GGNBP2: variants seen among roughly 807,000 people sequenced by gnomAD.
The protein encoded by GGNBP2 is gametogenetin binding protein 2.
Under a neutral mutation model 85.9 loss-of-function variants are expected in GGNBP2, and 10 were observed. The observed-to-expected ratio is 0.12, with a 90% confidence interval of 0.07 to 0.20. The LOEUF (loss-of-function observed/expected upper bound fraction) is 0.20. Among genes scored for constraint, GGNBP2 ranks in the 10% least tolerant of loss-of-function variants. GGNBP2 has a pLI of 1.00. For missense variants in GGNBP2, 595 were observed against 857.8 expected (o/e 0.69, Z 3.83); for synonymous variants, 287 against 285.7 (o/e 1.00, Z -0.05).
chr17:36,589,255 T>G lies in GGNBP2; in HGVS notation c.1938T>G (p.Asp646Glu). Reference protein sequence around the residue: ...TSDEEIFISQDEIQSFMANNQ... With the variant: ...TSDEEIFISQEEIQSFMANNQ... ...ATGAGGAAATCTTTATCTCACAAGA[T>G]GAAATACAGTCATTTATGGCTAATA... The change falls in exon 14 of 14, where the codon GAT (aspartate) becomes GAG (glutamate). Residue 646 changes from aspartate (D) to glutamate (E), a missense_variant. By Grantham distance (45) the Asp-to-Glu change is conservative (BLOSUM62 2). Transcript: ENST00000613102. 1 of 1,613,394 alleles carries G rather than the reference T, an allele frequency of 6.2e-7. No individual in the cohort carries two copies. Among genetic ancestry groups the G allele is most frequent in the South Asian group, 1.1e-5 (1 of 91,062 alleles).
At chr17:36,546,010 C>T (rs2074250638) in intron 2 of GGNBP2, 193 bp downstream of exon 2, 1 of 547,866 alleles carries the variant, frequency 1.8e-6, no homozygotes, top group Non-Finnish European at 3.3e-6. Flanking sequence ...GCCCCAAGCC[C>T]AGAGCTCCGT....
At chr17:36,586,415 C>T (rs2074702459) in intron 12 of GGNBP2, 2 of 556,506 alleles carry the variant, frequency 3.6e-6, no homozygotes, top group South Asian at 2.4e-5. Flanking sequence ...GTCAGAAATT[C>T]AATTGTTCTT....
Position 36,581,436 on chromosome 17 carries a change from A to G in GGNBP2, c.1113A>G (p.Glu371=), listed in dbSNP as rs1351765873. 1 of 1,614,072 alleles carries G rather than the reference A, an allele frequency of 6.2e-7. No homozygotes were observed. Among genetic ancestry groups the G allele is most frequent in the South Asian group, 1.1e-5 (1 of 91,088 alleles). ...EEERVRELKQ[E]KKRQKRKNRR... ...AACGAGTAAGAGAACTCAAGCAAGA[A>G]AAGAAACGCCAAAAACGGAAGAATA... Residue 371 remains glutamate (E), a synonymous_variant, in exon 9 of 14, where the codon GAA becomes GAG. Transcript: ENST00000613102.
chr17:36,558,724 C>T (rs942814706), intron 4 of GGNBP2, among the ~76,000 whole-genome samples: 4 of 151,132 alleles, frequency 2.6e-5, no homozygotes, highest in African/African-American at 9.7e-5. Flanking sequence ...CCAAAGTGCT[C>T]GGATTACAGG....
chr17:36,548,501 G>T (rs1311058978), intron 2 of GGNBP2, among the ~76,000 whole-genome samples: 1 of 151,376 alleles, frequency 6.6e-6, no homozygotes, highest in Non-Finnish European at 1.5e-5. Context: ...TGTAATCCCA[G>T]CTACTCAGGA....
At chr17:36,550,083 G>A (rs1329676459) in intron 2 of GGNBP2, among the ~76,000 whole-genome samples, 2 of 151,920 alleles carry the variant, frequency 1.3e-5, no homozygotes, top group South Asian at 2.1e-4. Context: ...GATTACAGGC[G>A]CCCGCCACCA....
chr17:36,559,430 A>G (rs2074396182), intron 4 of GGNBP2, among the ~76,000 whole-genome samples: 1 of 152,120 alleles, frequency 6.6e-6, no homozygotes, highest in Non-Finnish European at 1.5e-5. Flanking sequence ...ACATCCAAAT[A>G]GAATTCAGAG....
At position 36,589,303 on chromosome 17, in the gene GGNBP2, A is replaced by G; in HGVS notation, c.1986A>G (p.Arg662=). The change falls in exon 14 of 14, where the codon AGA becomes AGG. Residue 662 remains arginine, a synonymous_variant. Transcript: ENST00000613102. ...ATAACCAGTCTTTCTACAGCAATAG[A>G]GAACAATACCGACAGCATCTGAAGG... ...MANNQSFYSN[R]EQYRQHLKEK... is the part of the protein sequence containing the mutation. The G allele has an allele frequency of 6.2e-7, 1 of 1,613,162 alleles. No homozygotes were observed. The highest frequency in any genetic ancestry group is 8.5e-7 in the Non-Finnish European group (1 of 1,179,102).
At chr17:36,552,992 A>G (rs1041868185) in intron 2 of GGNBP2, among the ~76,000 whole-genome samples, 3 of 142,972 alleles carry the variant, frequency 2.1e-5, no homozygotes, top group African/African-American at 7.6e-5. Context: ...ACTGCACTCC[A>G]GCCTGGGTGA....
At chr17:36,561,487 T>C (rs2074415946) in intron 5 of GGNBP2, among the ~76,000 whole-genome samples, 1 of 152,214 alleles carries the variant, frequency 6.6e-6, no homozygotes, top group Non-Finnish European at 1.5e-5. Context: ...GTAATCATTA[T>C]TTGATCTACA....
At chr17:36,586,316 C>A in intron 12 of GGNBP2, 118 bp downstream of exon 12, 2 of 1,298,082 alleles carry the variant, frequency 1.5e-6, no homozygotes, top group South Asian at 1.5e-5. Flanking sequence ...AGAATGAGTT[C>A]TTTATGCAGT....
chr17:36,551,573 G>T (rs149953213), intron 2 of GGNBP2, among the ~76,000 whole-genome samples: 2,330 of 151,972 alleles, frequency 0.015, 24 homozygotes, highest in Middle Eastern at 0.041. Context: ...GCTGGGCGCG[G>T]TGGCTCATGC....
rs1327481889 is a variant in GGNBP2 at position 36,560,780 on chromosome 17, C to T, written c.436C>T (p.Leu146=). 1 of 1,540,584 alleles carries T rather than the reference C, an allele frequency of 6.5e-7. No individual in the cohort carries two copies. The highest frequency in any genetic ancestry group is 8.9e-7 in the Non-Finnish European group (1 of 1,128,704). Reference sequence around the variant, plus strand: ...TGTTTTATTTTTAATTAGGTCCAAACTAAATGACATGATAGATGCTATTCC... The same window carrying T: ...TGTTTTATTTTTAATTAGGTCCAAATTAAATGACATGATAGATGCTATTCC... The part of the protein sequence containing the change: ...YTLFYVHGSK[L]NDMIDAIPKS... Residue 146 remains leucine, a synonymous_variant, in exon 5 of 14, where the codon CTA becomes TTA. Coordinates refer to ENST00000613102, the MANE Select transcript of GGNBP2 (RefSeq NM_024835.5).
At chr17:36,577,301 T>C (rs1288384887) in intron 6 of GGNBP2, 1 of 152,220 alleles carries the variant, frequency 6.6e-6, no homozygotes, top group East Asian at 1.9e-4. Context: ...ACTCTTCTAT[T>C]CTTTTGCCAC....
chr17:36,586,053 A>G lies in GGNBP2; in HGVS notation c.1496A>G (p.Asp499Gly), dbSNP rs765101505. Residue 499 changes from aspartate (D) to glycine (G), a missense_variant, in exon 12 of 14, where the codon GAT becomes GGT. Coordinates refer to ENST00000613102, the MANE Select transcript of GGNBP2 (RefSeq NM_024835.5). ...GAAGGATTATTGATTTCTGCAGGTG[A>G]TGACTCTTGTGTTCATCACTGTGAA... ...EGICNHDEHG[D>G]DSCVHHCEDK... 4 of 1,613,976 alleles carry G rather than the reference A, an allele frequency of 2.5e-6. No individual in the cohort carries two copies. The highest frequency in any genetic ancestry group is 3.4e-6 in the Non-Finnish European group (4 of 1,179,890).
chr17:36,556,633 G>C (rs573858805), intron 3 of GGNBP2, among the ~76,000 whole-genome samples: 1 of 151,962 alleles, frequency 6.6e-6, no homozygotes, highest in Non-Finnish European at 1.5e-5. Context: ...GAACCCAGGA[G>C]GCAGAGGTTG....
In GGNBP2 at chr17:36,580,212, C is replaced by CTT. The variant is rs71159621; in HGVS notation, c.1020+805_1020+806dup. 7.7e-4 allele frequency among the ~76,000 whole-genome samples: 106 copies of CTT among 137,568 alleles called. 1 individual carries two copies. The highest frequency in any genetic ancestry group is 6.8e-3 in the South Asian group (29 of 4,254). 90.2% of individuals were successfully genotyped at this position (137,568 alleles called of 152,430 possible). On this transcript the variant is annotated intron_variant, in intron 8 of 13. Coordinates refer to ENST00000613102, the MANE Select transcript of GGNBP2 (RefSeq NM_024835.5). ...TTCTTTCTTTCTTTTCTTTTCTTTT[C>CTT]TTTTTTTTTTTTTGAGACGGAGCCT...
rs536892838 is a variant in GGNBP2 at position 36,571,727 on chromosome 17, C to G, written c.641+3951C>G. On this transcript the variant is annotated intron_variant, in intron 6 of 13. Transcript: ENST00000613102. ...GCTTGATGGCGGGCGCCTGTAGTCC[C>G]AGCTACTTGGGAGGCTGAGGCAGGA... is the stretch of plus-strand genomic sequence containing the variant. 9.2e-5 allele frequency among the ~76,000 whole-genome samples: 14 copies of G among 152,310 alleles called. No individual in the cohort carries two copies. In the South Asian group the frequency reaches 2.7e-3, roughly 29 times the overall value.
At chr17:36,565,828 G>A (rs887130645) in intron 5 of GGNBP2, among the ~76,000 whole-genome samples, 3 of 151,446 alleles carry the variant, frequency 2.0e-5, no homozygotes, top group East Asian at 1.9e-4. Flanking sequence ...CCTGGGAGGC[G>A]GAGGTTGCAG....
Sources: allele counts gnomAD v4.1 joint callset (sites outside exome capture counted in the v4.1 genomes callset), GRCh38; gene constraint gnomAD v4.1.1; transcripts MANE v1.5; gene names NCBI Gene and HGNC (gene_info 2026-07-23, HGNC 2026-07-21).